The following DCAF1 variants were observed in gnomAD, a reference collection of about 807,000 sequenced individuals.
DCAF1 encodes the protein DDB1 and CUL4 associated factor 1.
In DCAF1, 15 loss-of-function variants were observed where a neutral mutation model predicts 128.0. The ratio of observed to expected loss-of-function variants is 0.12; its 90% CI spans 0.08 to 0.18. The LOEUF is 0.18. Ranked by LOEUF, DCAF1 falls within the 10% of genes least tolerant of loss-of-function variation. The pLI, the probability that DCAF1 is intolerant of heterozygous loss-of-function variation, is 1.00. For missense variants in DCAF1, 988 were observed against 1,649.5 expected, an observed-to-expected ratio of 0.60 and a Z score of 6.95; for synonymous variants, 610 against 603.0, an observed-to-expected ratio of 1.01 and a Z score of -0.17.
intron 9 of DCAF1, among the ~76,000 whole-genome samples, chr3:51,435,139 C>G (rs999217018): frequency 6.6e-6 from 1 of 152,206 alleles, no homozygotes; most frequent in African/African-American, 2.4e-5. Flanking sequence ...ACACAACACT[C>G]TACCACACTT....
At position 51,444,604 on chromosome 3, in the gene DCAF1, G is replaced by A. The variant is rs546621648; in HGVS notation, c.376-701C>T. ...TGACTTCAAGTGATCCGCCCACCTC[G>A]GCCTCCCAAAGTGCTGGGATTACAG... On this transcript the variant is annotated intron_variant, in intron 6 of 24. Coordinates refer to ENST00000684031, the MANE Select transcript of DCAF1 (RefSeq NM_001387579.1). Among the ~76,000 whole-genome samples, 16 of 151,984 alleles carry A rather than the reference G, an allele frequency of 1.1e-4. 1 individual carries two copies. The East Asian group carries it at 3.1e-3, about 29-fold the overall frequency.
intron 2 of DCAF1, among the ~76,000 whole-genome samples, chr3:51,487,887 C>T (rs1026596703): frequency 3.3e-5 from 5 of 151,284 alleles, no homozygotes; most frequent in Non-Finnish European, 5.9e-5. Flanking sequence ...TATTTGGAGA[C>T]GGAGTCTTGC....
At chr3:51,492,448 G>A (rs782562797) in intron 2 of DCAF1, among the ~76,000 whole-genome samples, 9 of 151,852 alleles carry the variant, frequency 5.9e-5, no homozygotes, top group South Asian at 2.1e-4. Context: ...CGGAGGGGAC[G>A]GAGGTTGCAG....
chr3:51,395,982 C>T (rs562498903), downstream of DCAF1: 5 of 413,376 alleles, frequency 1.2e-5, no homozygotes, highest in South Asian at 5.1e-4. Context: ...GCCACCATTC[C>T]AGGGTAGCTG....
At position 51,422,772 on chromosome 3, in the gene DCAF1, G is replaced by A. The variant is rs570771335; in HGVS notation, c.1848-341C>T. On this transcript the variant is annotated intron_variant, in intron 13 of 24. Coordinates refer to ENST00000684031, the MANE Select transcript of DCAF1 (RefSeq NM_001387579.1). ...GAAATTAGTACACTCTTTCCAGAAAGTAATCTGGAGGCCAGGCACGGTGGC... is the reference window on the plus strand; with the variant it reads ...GAAATTAGTACACTCTTTCCAGAAAATAATCTGGAGGCCAGGCACGGTGGC... 2.2e-4 allele frequency among the ~76,000 whole-genome samples: 33 copies of A among 152,260 alleles called. 1 individual carries two copies. The South Asian group carries it at 6.6e-3, about 31-fold the overall frequency.
intron 24 of DCAF1, among the ~76,000 whole-genome samples, 198 bp from the exon 25 acceptor site, chr3:51,399,025 G>A (rs17051782): frequency 0.16 from 25,082 of 152,234 alleles, 2,449 homozygotes; most frequent in South Asian, 0.33. Flanking sequence ...GTATTCTCCC[G>A]GAGACCTTTT....
chr3:51,494,541 C>G (rs1233001273), intron 2 of DCAF1, among the ~76,000 whole-genome samples: 1 of 152,028 alleles, frequency 6.6e-6, no homozygotes, highest in African/African-American at 2.4e-5. Flanking sequence ...TTTTATGCTA[C>G]GTAAATTTAC....
chr3:51,465,610 G>A (rs1704049177), intron 5 of DCAF1, among the ~76,000 whole-genome samples: 1 of 151,942 alleles, frequency 6.6e-6, no homozygotes, highest in Non-Finnish European at 1.5e-5. Context: ...CTGGCGTGGT[G>A]GTGCATCCCT....
chr3:51,460,465 C>T (rs1385244299), intron 6 of DCAF1, among the ~76,000 whole-genome samples: 1 of 151,130 alleles, frequency 6.6e-6, no homozygotes, highest in African/African-American at 2.4e-5. Context: ...GAATCAGTAT[C>T]GTGAAAATGG....
chr3:51,501,128 G>T (rs1172053027), upstream of DCAF1, among the ~76,000 whole-genome samples: 1 of 152,134 alleles, frequency 6.6e-6, no homozygotes, highest in Non-Finnish European at 1.5e-5. Flanking sequence ...CTGTCTTTTT[G>T]TTCAAGACCT....
chr3:51,454,198 G>A (rs925937927), intron 6 of DCAF1, among the ~76,000 whole-genome samples: 5 of 151,854 alleles, frequency 3.3e-5, no homozygotes, highest in Admixed American at 6.6e-5. Flanking sequence ...ATGAGCTACC[G>A]TGCCCAGCTA....
rs140999456 is a variant in DCAF1, at chr3:51,457,863, T to C, written c.375+5251A>G. Among the ~76,000 whole-genome samples, 749 of 152,302 alleles carry C rather than the reference T, an allele frequency of 4.9e-3. 7 individuals are homozygous for C. Among genetic ancestry groups the C allele is most frequent in the Middle Eastern group, 0.034 (10 of 294 alleles). On this transcript the variant is annotated intron_variant, in intron 6 of 24. Coordinates refer to ENST00000684031, the MANE Select transcript of DCAF1 (RefSeq NM_001387579.1). ...AAATACTTCACAGACAAGCAAATGC[T>C]GAGAGATTTTGTCACCACCAGGCCT...
chr3:51,485,995 G>A (rs551949876), intron 2 of DCAF1, among the ~76,000 whole-genome samples: 4 of 150,596 alleles, frequency 2.7e-5, no homozygotes, highest in South Asian at 2.1e-4. Flanking sequence ...GGGTTCAAGC[G>A]ATTTTCCTGC....
At chr3:51,405,269 TTC>T (rs1168229426) in intron 23 of DCAF1, among the ~76,000 whole-genome samples, 4 of 152,184 alleles carry the variant, frequency 2.6e-5, no homozygotes. Flanking sequence ...ATGAAGACAA[TTC>T]TCTTTCATTT....
chr3:51,421,050 C>G (rs555520709), intron 14 of DCAF1, 53 bp from the exon 15 acceptor site: 77 of 1,537,600 alleles, frequency 5.0e-5, no homozygotes, highest in Non-Finnish European at 6.4e-5. Flanking sequence ...TGGCCAACTT[C>G]AATAGTTGTT....
Position 51,441,029 on chromosome 3 carries a change from T to C in DCAF1, c.1069A>G (p.Met357Val). 1 of 1,613,064 alleles carries C rather than the reference T, an allele frequency of 6.2e-7. No individual in the cohort carries two copies. The highest frequency in any genetic ancestry group is 8.5e-7 in the Non-Finnish European group (1 of 1,179,556). The change falls in exon 9 of 25, where the codon ATG becomes GTG. Residue 357 changes from methionine to valine, a missense_variant. By Grantham distance (21) the Met-to-Val change is conservative. Coordinates refer to ENST00000684031, the MANE Select transcript of DCAF1 (RefSeq NM_001387579.1). ...FMQLGSRELMMFYIDLKQTND... is the reference protein window; with the variant it reads ...FMQLGSRELMVFYIDLKQTND... Reference sequence around the variant, plus strand: ...GTTTGCTTCAGGTCAATATAGAACATCATCAGCTCCCGTGATCCAAGTTGC... The same window carrying C: ...GTTTGCTTCAGGTCAATATAGAACACCATCAGCTCCCGTGATCCAAGTTGC...
chr3:51,440,166 G>A (rs17712228), intron 9 of DCAF1: 35,656 of 509,876 alleles, frequency 0.07, 4,360 homozygotes, highest in East Asian at 0.33. Flanking sequence ...TAACACCTAA[G>A]TTTCTGTAGA....
At chr3:51,487,378 C>T (rs751033990) in intron 2 of DCAF1, among the ~76,000 whole-genome samples, 30 of 152,160 alleles carry the variant, frequency 2.0e-4, no homozygotes, top group Non-Finnish European at 1.5e-4. Flanking sequence ...CTCATGTTAC[C>T]ATATTATAGT....
chr3:51,429,110 T>C (rs1700155704), intron 12 of DCAF1, 151 bp downstream of exon 12: 1 of 591,178 alleles, frequency 1.7e-6, no homozygotes, highest in Non-Finnish European at 3.1e-6. Context: ...ACCTATTACA[T>C]CCATTTTTCA....
Sources: allele counts gnomAD v4.1 joint callset (sites outside exome capture counted in the v4.1 genomes callset), GRCh38; gene constraint gnomAD v4.1.1; transcripts MANE v1.5; gene names NCBI Gene and HGNC (gene_info 2026-07-23, HGNC 2026-07-21).